The following GAD1 variants were observed in gnomAD, a reference collection of about 807,000 sequenced individuals.
GAD1 encodes the protein 67 kDa glutamic acid decarboxylase.
A neutral mutation model predicts 75.2 loss-of-function variants in GAD1; 35 were observed. That is an observed-to-expected ratio of 0.47 (90% CI 0.36 to 0.62). GAD1 has a LOEUF of 0.62. Ranked by LOEUF, GAD1 falls within the 20% of genes least tolerant of loss-of-function variation. The probability of loss-of-function intolerance (pLI) is 0.00; values close to 1 mark genes in which losing one functional copy is unlikely to be tolerated. For synonymous variants in GAD1, 257 were observed against 271.9 expected, an observed-to-expected ratio of 0.95 and a Z score of 0.54; for missense variants, 490 against 758.5, an observed-to-expected ratio of 0.65 and a Z score of 4.16.
At chr2:170,844,208 C>CA in intron 7 of GAD1, 51 bp downstream of exon 7, 1 of 1,048,114 alleles carries the variant, frequency 9.5e-7, no homozygotes, top group African/African-American at 1.6e-5. Flanking sequence ...CTTAAGAATA[C>CA]AAAATATGAA....
intron 5 of GAD1, among the ~76,000 whole-genome samples, chr2:170,831,441 A>G (rs1415305491): frequency 6.6e-6 from 1 of 152,008 alleles, no homozygotes; most frequent in Non-Finnish European, 1.5e-5. Context: ...GCTTGGTGCT[A>G]GGTCAAGTTC....
intron 6 of GAD1, among the ~76,000 whole-genome samples, chr2:170,841,868 C>G (rs1321111530): frequency 6.6e-6 from 1 of 152,194 alleles, no homozygotes; most frequent in Non-Finnish European, 1.5e-5. Context: ...GAACCAGATG[C>G]TAGAATCATC....
intron 10 of GAD1, among the ~76,000 whole-genome samples, chr2:170,847,062 C>G (rs1702648424): frequency 6.6e-6 from 1 of 152,202 alleles, no homozygotes; most frequent in Non-Finnish European, 1.5e-5. Flanking sequence ...AGATCTATTA[C>G]TCTACTCCTT....
intron 6 of GAD1, among the ~76,000 whole-genome samples, chr2:170,840,819 T>C (rs1702501179): frequency 6.6e-6 from 1 of 151,886 alleles, no homozygotes; most frequent in East Asian, 1.9e-4. Context: ...GTAGAAAATA[T>C]AGTCTTCGAT....
chr2:170,848,983 C>A lies in GAD1; in HGVS notation c.1120-303C>A. ...GGGGACTCACTGTGTTGGCTTTCCA[C>A]AACACATTGGGCTAATGGGCCATTG... is the stretch of plus-strand genomic sequence containing the variant. On this transcript the variant is annotated intron_variant, in intron 11 of 16. Transcript: ENST00000358196. The A allele has an allele frequency of 8.6e-6, 4 of 463,122 alleles. No homozygotes were observed. In the Admixed American group the frequency reaches 9.3e-5, roughly 11 times the overall value. The allele number at this position is 463,122 out of a possible 1,614,324, so 28.7% of individuals were successfully genotyped here.
intron 3 of GAD1, among the ~76,000 whole-genome samples, chr2:170,828,301 C>T (rs1381598041): frequency 7.0e-6 from 1 of 141,954 alleles, no homozygotes; most frequent in Non-Finnish European, 1.5e-5. Context: ...TCACCCTCCT[C>T]CCTCTGCTGT....
chr2:170,854,816 G>A (rs964422962), intron 14 of GAD1, among the ~76,000 whole-genome samples: 1 of 152,136 alleles, frequency 6.6e-6, no homozygotes, highest in African/African-American at 2.4e-5. Flanking sequence ...TCTGGAAAAT[G>A]TATACTTTAT....
At chr2:170,829,116 G>A in intron 3 of GAD1, 1 of 364,116 alleles carries the variant, frequency 2.7e-6, no homozygotes, top group South Asian at 2.2e-5. Flanking sequence ...AGTGCTGGCA[G>A]CATCTTCTCT....
chr2:170,837,091 G>A (rs958966954), intron 6 of GAD1, among the ~76,000 whole-genome samples: 1 of 152,174 alleles, frequency 6.6e-6, no homozygotes, highest in African/African-American at 2.4e-5. Context: ...GGAAAGCATG[G>A]TCATGAGAAA....
chr2:170,860,106 TTA>T lies in GAD1; in HGVS notation c.*227_*228del, dbSNP rs1702932666. ...TTAGGAACAGAGTATATATGTACAG[TTA>T]TACATACCTCTCTCTATATATACAT... On this transcript the variant is annotated 3_prime_UTR_variant, in exon 17 of 17. Transcript: ENST00000358196. 3.7e-6 allele frequency: 2 copies of T among 547,728 alleles called. No homozygotes were observed. The highest frequency in any genetic ancestry group is 6.6e-6 in the Non-Finnish European group (2 of 304,142). The allele number at this position is 547,728 out of a possible 1,614,324, so 33.9% of individuals were successfully genotyped here.
intron 6 of GAD1, 107 bp from the exon 7 acceptor site, chr2:170,843,937 CT>C: frequency 6.0e-5 from 43 of 714,728 alleles, no homozygotes; most frequent in Non-Finnish European, 7.1e-5. Flanking sequence ...TTTGGAACAG[CT>C]TTTTTTTAGA....
At chr2:170,819,682 C>T (rs557369785) in intron 2 of GAD1, among the ~76,000 whole-genome samples, 9 of 151,682 alleles carry the variant, frequency 5.9e-5, no homozygotes, top group Non-Finnish European at 1.3e-4. Context: ...TGTAAGTGTT[C>T]CCACTCCCCC....
rs967026777 is a variant in GAD1 at position 170,853,007 on chromosome 2, C to T, written c.1263+215C>T. On this transcript the variant is annotated intron_variant, in intron 13 of 16. Coordinates refer to ENST00000358196, the MANE Select transcript of GAD1 (RefSeq NM_000817.3). The surrounding 1 kb of genome is among the most constrained non-coding windows in gnomAD (Gnocchi z 4.1). ...TACTGTGCTTCTTCTTTGATCAGTA[C>T]TCAGGGTCTGTCAGCAACTGAACCT... 1.6e-6 allele frequency: 1 copy of T among 612,602 alleles called. No homozygotes were observed. The highest frequency in any genetic ancestry group is 2.9e-6 in the Non-Finnish European group (1 of 342,894). 37.9% of individuals were successfully genotyped at this position (612,602 alleles called of 1,614,324 possible).
At chr2:170,828,296 C>A in intron 3 of GAD1, among the ~76,000 whole-genome samples, 1 of 129,248 alleles carries the variant, frequency 7.7e-6, no homozygotes, top group African/African-American at 3.3e-5. Flanking sequence ...TGTCCTCACC[C>A]TCCTCCCTCT....
chr2:170,831,664 A>C (rs1702231071), intron 5 of GAD1, among the ~76,000 whole-genome samples: 1 of 143,512 alleles, frequency 7.0e-6, no homozygotes, highest in African/African-American at 2.5e-5. Flanking sequence ...ATAAATATTT[A>C]TATATAAATA....
intron 3 of GAD1, among the ~76,000 whole-genome samples, chr2:170,828,271 TCCC>T (rs1702086290): frequency 1.8e-5 from 1 of 55,996 alleles, no homozygotes; most frequent in African/African-American, 7.6e-5. Context: ...TCCTCACCCC[TCCC>T]CTTCCCTCTG....
chr2:170,820,232 C>T (rs532402208), intron 2 of GAD1, among the ~76,000 whole-genome samples: 1 of 152,266 alleles, frequency 6.6e-6, no homozygotes, highest in African/African-American at 2.4e-5. Context: ...GGCGCCCTTA[C>T]GGAATTCCCG....
At position 170,860,754 on chromosome 2, in the gene GAD1, G is replaced by C. The variant is rs1296390405; in HGVS notation, c.*872G>C. 1 of 152,558 alleles carries C rather than the reference G, an allele frequency of 6.6e-6. No individual in the cohort carries two copies. The highest frequency in any genetic ancestry group is 6.5e-5 in the Admixed American group (1 of 15,280). The allele number at this position is 152,558 out of a possible 1,614,324, so 9.5% of individuals were successfully genotyped here. On this transcript the variant is annotated 3_prime_UTR_variant, in exon 17 of 17. Transcript: ENST00000358196. ...ATTAGTGAGATTTGTATTTATATTA[G>C]AGTGCCCTTAAAATAATGATTTAAG... is the stretch of plus-strand genomic sequence containing the variant.
rs553835063 is a variant in GAD1 at position 170,844,506 on chromosome 2, T to C, written c.751+349T>C. On this transcript the variant is annotated intron_variant, in intron 7 of 16. Transcript: ENST00000358196. Reference sequence around the variant, plus strand: ...TCACTGCAGCCTCGAACTCCTGGGCTCAAGCAATCCTCCTGCTTCAGCTTC... The same window carrying C: ...TCACTGCAGCCTCGAACTCCTGGGCCCAAGCAATCCTCCTGCTTCAGCTTC... Among the ~76,000 whole-genome samples, 22 of 150,640 alleles carry C rather than the reference T, an allele frequency of 1.5e-4. 1 individual carries two copies. In the East Asian group the frequency reaches 4.3e-3, roughly 30 times the overall value.
Sources: gnomAD v4.1 joint callset for allele counts (sites outside exome capture counted in the v4.1 genomes callset) on GRCh38, gnomAD v4.1.1 for gene constraint, Gnocchi (gnomAD v3.1) non-coding constraint, MANE v1.5 for transcripts, NCBI Gene and HGNC (gene_info 2026-07-23, HGNC 2026-07-21) for gene names.